NCOR2: variants seen among roughly 807,000 people sequenced by gnomAD.
NCOR2 encodes CTG repeat protein 26.
Under a neutral mutation model 262.9 loss-of-function variants are expected in NCOR2, and 81 were observed. The ratio of observed to expected loss-of-function variants is 0.31; its 90% CI spans 0.26 to 0.37. The LOEUF (loss-of-function observed/expected upper bound fraction) is 0.37. Ranked by LOEUF, NCOR2 falls within the 10% of genes least tolerant of loss-of-function variation. The pLI is 1.00. For missense variants in NCOR2, 3,385 were observed against 3,621.4 expected (o/e 0.93, Z 1.68); for synonymous variants, 1,659 against 1,559.3 (o/e 1.06, Z -1.51).
At chr12:124,545,574 G>A (rs915025210) in intron 1 of NCOR2, among the ~76,000 whole-genome samples, 1 of 152,212 alleles carries the variant, frequency 6.6e-6, no homozygotes, top group African/African-American at 2.4e-5. Context: ...CCAGGCAAGG[G>A]CAGCTCAGCC....
chr12:124,452,318 G>A (rs2045597438), intron 6 of NCOR2, among the ~76,000 whole-genome samples: 1 of 152,236 alleles, frequency 6.6e-6, no homozygotes, highest in Non-Finnish European at 1.5e-5. Flanking sequence ...GCTCCTTTAT[G>A]TTCCCCACAT....
chr12:124,479,595 A>C (rs959077643), intron 3 of NCOR2, among the ~76,000 whole-genome samples: 9 of 152,036 alleles, frequency 5.9e-5, no homozygotes, highest in African/African-American at 2.2e-4. Flanking sequence ...GCACACACAC[A>C]CCCTGGCCTG....
At chr12:124,446,582 C>G (rs1174168756) in intron 7 of NCOR2, among the ~76,000 whole-genome samples, 3 of 152,132 alleles carry the variant, frequency 2.0e-5, no homozygotes, top group Admixed American at 1.3e-4. Flanking sequence ...ACACAGCCAG[C>G]TGCTGCTCAG....
chr12:124,413,505 G>A (rs1315682730), intron 13 of NCOR2, among the ~76,000 whole-genome samples: 4 of 152,262 alleles, frequency 2.6e-5, no homozygotes, highest in East Asian at 3.9e-4. Flanking sequence ...TTGGGGACAC[G>A]AGGCAGGAAG....
chr12:124,483,560 C>A lies in NCOR2; in HGVS notation c.411+36G>T. The A allele has an allele frequency of 6.6e-7, 1 of 1,516,480 alleles. No individual in the cohort carries two copies. The allele number at this position is 1,516,480 out of a possible 1,614,324, so 93.9% of individuals were successfully genotyped here. ...GCCCAACCAGCAGCAGAACCTCAAG[C>A]GGGAGAGGAGCTCCCAGCTGGGGGC... On this transcript the variant is annotated intron_variant, in intron 3 of 46. Transcript: ENST00000405201. This position sits in a 1 kb window ranked among gnomAD's most constrained non-coding sequence, Gnocchi z 6.3.
chr12:124,390,478 A>ACCCC (rs34149760), intron 16 of NCOR2, among the ~76,000 whole-genome samples: 135 of 121,182 alleles, frequency 1.1e-3, no homozygotes, highest in African/African-American at 3.8e-3. Flanking sequence ...CTCCAAAGTG[A>ACCCC]CCCCCCCCCG....
intron 8 of NCOR2, among the ~76,000 whole-genome samples, chr12:124,437,110 CAAATA>C (rs1463083337): frequency 2.0e-5 from 3 of 152,052 alleles, no homozygotes; most frequent in African/African-American, 7.3e-5. Context: ...AATAAATAAA[CAAATA>C]AAATGAAATG....
chr12:124,420,384 G>A (rs745833465), intron 12 of NCOR2, among the ~76,000 whole-genome samples: 3 of 152,168 alleles, frequency 2.0e-5, no homozygotes, highest in African/African-American at 4.8e-5. Flanking sequence ...CAGCGCTGAC[G>A]TCGCCATGTC....
In NCOR2 at chr12:124,566,676, G is replaced by A. The variant is rs2052250860; in HGVS notation, c.-165+632C>T. Among the ~76,000 whole-genome samples, 1 of 152,214 alleles carries A rather than the reference G, an allele frequency of 6.6e-6. No individual in the cohort carries two copies. The highest frequency in any genetic ancestry group is 1.5e-5 in the Non-Finnish European group (1 of 68,030). Reference sequence around the variant, plus strand: ...GGACTAGGAGGCGGCCCAATGAGGCGTCACCAGCCACGGGAGGCAGGCCCA... The same window carrying A: ...GGACTAGGAGGCGGCCCAATGAGGCATCACCAGCCACGGGAGGCAGGCCCA... On this transcript the variant is annotated intron_variant, in intron 1 of 32. Transcript: ENST00000458234. This position sits in a 1 kb window ranked among gnomAD's most constrained non-coding sequence, Gnocchi z 4.3.
chr12:124,472,920 C>T, intron 4 of NCOR2, 32 bp downstream of exon 6: 2 of 1,611,742 alleles, frequency 1.2e-6, no homozygotes, highest in Non-Finnish European at 1.7e-6. Flanking sequence ...AGACTCAGAA[C>T]AAACACTCCC....
chr12:124,567,128 G>A (rs1357286804), intron 1 of NCOR2, among the ~76,000 whole-genome samples, 180 bp downstream of exon 1: 1 of 151,346 alleles, frequency 6.6e-6, no homozygotes, highest in Non-Finnish European at 1.5e-5. Flanking sequence ...CCGAGCACGC[G>A]GGCCGCAGTG....
chr12:124,334,555 G>T (rs1208641182), exon 41 of NCOR2: 1 of 1,417,030 alleles, frequency 7.1e-7, no homozygotes, highest in Non-Finnish European at 9.2e-7. Flanking sequence ...AGTAGAGGGG[G>T]GCGGGCAGGG....
intron 3 of NCOR2, among the ~76,000 whole-genome samples, chr12:124,478,803 G>A (rs1473779464): frequency 3.9e-5 from 6 of 152,070 alleles, no homozygotes; most frequent in Admixed American, 6.5e-5. Flanking sequence ...AGACAGAGAC[G>A]TGGTGACAGA....
chr12:124,327,728 A>AAGGAGGAGGAGG, intron 44 of NCOR2, 95 bp from the exon 47 acceptor site: 1 of 819,972 alleles, frequency 1.2e-6, no homozygotes, highest in Non-Finnish European at 1.9e-6. Context: ...AGAGAGAGGG[A>AAGGAGGAGGAGG]AGGAGGAGGA....
chr12:124,342,880 G>A, intron 33 of NCOR2, 125 bp downstream of exon 35: 1 of 986,880 alleles, frequency 1.0e-6, no homozygotes. Flanking sequence ...CAATCCCGAG[G>A]CCTCAGTTTC....
chr12:124,327,480 C>T (rs753712242), exon 45 of NCOR2: 1 of 1,613,578 alleles, frequency 6.2e-7, no homozygotes, highest in Non-Finnish European at 8.5e-7. Context: ...CAGGCTGGCA[C>T]TGGCATTCAG....
intron 1 of NCOR2, among the ~76,000 whole-genome samples, chr12:124,510,707 C>A (rs2049349392): frequency 6.6e-6 from 1 of 152,168 alleles, no homozygotes; most frequent in African/African-American, 2.4e-5. Flanking sequence ...CCAGGCCTTG[C>A]AGCCCTCCCA....
intron 13 of NCOR2, among the ~76,000 whole-genome samples, chr12:124,404,816 T>C (rs553902872): frequency 6.6e-6 from 1 of 152,294 alleles, no homozygotes; most frequent in African/African-American, 2.4e-5. Context: ...GAAGTCCTGA[T>C]GGAGATGAAA....
chr12:124,326,441 C>A (rs779248478), intron 45 of NCOR2, 71 bp from the exon 48 acceptor site: 25 of 1,367,876 alleles, frequency 1.8e-5, no homozygotes, highest in Non-Finnish European at 2.4e-5. Context: ...GGTGGGGCCA[C>A]AGGGGCAGGG....
Sources: gnomAD v4.1 joint callset for allele counts (sites outside exome capture counted in the v4.1 genomes callset) on GRCh38, gnomAD v4.1.1 for gene constraint, Gnocchi (gnomAD v3.1) non-coding constraint, MANE v1.5 for transcripts, NCBI Gene and HGNC (gene_info 2026-07-23, HGNC 2026-07-21) for gene names.